UACA: variants seen among roughly 807,000 people sequenced by gnomAD.
UACA encodes the protein uveal autoantigen with coiled-coil domains and ankyrin repeats.
A neutral mutation model predicts 160.5 loss-of-function variants in UACA; 112 were observed. The ratio of observed to expected loss-of-function variants is 0.70; its 90% CI spans 0.60 to 0.82. UACA has a LOEUF of 0.82. Ranked by LOEUF, UACA falls within the 40% of genes least tolerant of loss-of-function variation. The probability of loss-of-function intolerance (pLI) is 0.00; values close to 1 mark genes in which losing one functional copy is unlikely to be tolerated. For synonymous variants in UACA, 557 were observed against 568.4 expected (o/e 0.98, Z 0.29); for missense variants, 1,574 against 1,614.6 (o/e 0.97, Z 0.43).
rs759030929 is a variant in UACA, at chr15:70,667,701, C to T, written c.2983G>A (p.Glu995Lys). The T allele has an allele frequency of 7.4e-6, 12 of 1,613,794 alleles. 1 individual carries two copies. In the South Asian group the frequency reaches 9.9e-5, roughly 13 times the overall value. ...TTCTCTGTTGCTTTAAATTTTCTCT[C>T]GCACTCCTCAAAGCTGACAATTGGG... is the stretch of plus-strand genomic sequence containing the variant. ...YAPIVSFEEC[E>K]RKFKATEKEL... The change falls in exon 16 of 19, where the codon GAG becomes AAG. Residue 995 changes from glutamate (E) to lysine (K), a missense_variant. Physicochemically the swap from Glu to Lys is moderately conservative, Grantham distance 56 (BLOSUM62 1). Transcript: ENST00000322954.
intron 4 of UACA, 70 bp downstream of exon 4, chr15:70,691,229 A>C: frequency 8.8e-7 from 1 of 1,132,282 alleles, no homozygotes. Context: ...AAATTCCAAA[A>C]ACACATTAAA....
intron 1 of UACA, among the ~76,000 whole-genome samples, chr15:70,723,551 C>T (rs1450504477): frequency 6.6e-6 from 1 of 152,194 alleles, no homozygotes; most frequent in Non-Finnish European, 1.5e-5. Flanking sequence ...ACCAAGTTCC[C>T]TCACAGAGTA....
chr15:70,754,717 A>T (rs868868940), intron 1 of UACA, among the ~76,000 whole-genome samples: 2 of 143,706 alleles, frequency 1.4e-5, no homozygotes, highest in Non-Finnish European at 3.0e-5. Flanking sequence ...AATATTTAGG[A>T]TTTCTGACAA....
the UACA span, among the ~76,000 whole-genome samples, chr15:70,776,552 C>T: frequency 1.6e-4 from 25 of 151,808 alleles, no homozygotes; most frequent in Admixed American, 3.9e-4. Context: ...CTCAGCCTCC[C>T]GAGTAGTTGG....
chr15:70,726,043 G>C (rs1899134735), intron 1 of UACA, among the ~76,000 whole-genome samples: 4 of 152,038 alleles, frequency 2.6e-5, no homozygotes. Context: ...TTAAACATCT[G>C]AATCTTATTC....
At chr15:70,676,345 C>A in intron 13 of UACA, 148 bp downstream of exon 13, 3 of 566,540 alleles carry the variant, frequency 5.3e-6, no homozygotes, top group Middle Eastern at 4.8e-4. Flanking sequence ...CCCAGTTTTG[C>A]CAAAGAGGCA....
At chr15:70,664,936 G>A in intron 16 of UACA, 122 bp from the exon 17 acceptor site, 5 of 823,460 alleles carry the variant, frequency 6.1e-6, no homozygotes, top group Non-Finnish European at 9.0e-6. Flanking sequence ...GAAAATTGAG[G>A]TATGAATATT....
At position 70,663,829 on chromosome 15, in the gene UACA, T is replaced by G. The variant is rs1016466024; in HGVS notation, c.4113+833A>C. 4.9e-5 allele frequency among the ~76,000 whole-genome samples: 6 copies of G among 122,460 alleles called. 1 individual carries two copies. Among genetic ancestry groups the G allele is most frequent in the African/African-American group, 1.3e-4 (4 of 31,484 alleles). The allele number at this position is 122,460 out of a possible 152,430, so 80.3% of individuals were successfully genotyped here. On this transcript the variant is annotated intron_variant, in intron 17 of 18. Coordinates refer to ENST00000322954, the MANE Select transcript of UACA (RefSeq NM_018003.4). ...GTGGGAACTGAACAGTGAGAACACA[T>G]GGACACAGGAAGGGGAACATCACAC... is the stretch of plus-strand genomic sequence containing the variant.
chr15:70,666,653 T>G (rs1896916914), intron 16 of UACA, 71 bp downstream of exon 16: 425 of 1,252,784 alleles, frequency 3.4e-4, no homozygotes, highest in Non-Finnish European at 4.2e-4. Flanking sequence ...TACTTTCCTG[T>G]GAGATTCTGT....
At chr15:70,659,395 G>GTTTGTTTTTTTTTTTTTTTTTTTTTTTT (rs1896607026) in intron 18 of UACA, among the ~76,000 whole-genome samples, 1 of 18,818 alleles carries the variant, frequency 5.3e-5, no homozygotes, top group Non-Finnish European at 9.6e-5. Flanking sequence ...TTTTTTGTTT[G>GTTTGTTTTTTTTTTTTTTTTTTTTTTTT]TTTTTTTTTT....
At chr15:70,720,231 G>C (rs1898949410) in intron 1 of UACA, among the ~76,000 whole-genome samples, 1 of 152,130 alleles carries the variant, frequency 6.6e-6, no homozygotes, top group African/African-American at 2.4e-5. Context: ...TATGTTTCCT[G>C]TCCAGCCTGC....
In UACA at chr15:70,677,119, G is replaced by T. The variant is rs768303511; in HGVS notation, c.1021C>A (p.Leu341Met). The T allele has an allele frequency of 1.2e-6, 2 of 1,603,430 alleles. No individual in the cohort carries two copies. Among genetic ancestry groups the T allele is most frequent in the Admixed American group, 3.4e-5 (2 of 58,642 alleles). The change falls in exon 12 of 19, where the codon CTG (leucine) becomes ATG (methionine). Residue 341 changes from leucine to methionine, a missense_variant. Transcript: ENST00000322954. The part of the protein sequence containing the change: ...LNEEVMVADD[L>M]ESEREKLKSL... ...AAATGTCACCCTACCTCGCTTTCCA[G>T]ATCATCAGCAACCATAACTTCCTAA...
chr15:70,668,048 G>A lies in UACA; in HGVS notation c.2636C>T (p.Thr879Ile). 6.2e-7 allele frequency: 1 copy of A among 1,612,252 alleles called. No individual in the cohort carries two copies. The highest frequency in any genetic ancestry group is 8.5e-7 in the Non-Finnish European group (1 of 1,179,710). ...KMTLNDTLAKTNRELLDVKKK... is the reference protein window; with the variant it reads ...KMTLNDTLAKINRELLDVKKK... ...CTTCACATCTAATAATTCTCTGTTA[G>A]TTTTGGCTAACGTGTCATTCAGTGT... is the stretch of plus-strand genomic sequence containing the variant. Residue 879 changes from threonine to isoleucine, a missense_variant, in exon 16 of 19, where the codon ACT becomes ATT. Coordinates refer to ENST00000322954, the MANE Select transcript of UACA (RefSeq NM_018003.4).
Position 70,667,384 on chromosome 15 carries a change from T to C in UACA, c.3300A>G (p.Ile1100Met). ...VEENAKQTSE[I>M]LAVQNLLQKQ... ...TTTGCAAAAGATTTTGCACTGCAAG[T>C]ATCTCAGAAGTCTGTTTGGCATTTT... The change falls in exon 16 of 19, where the codon ATA (isoleucine) becomes ATG (methionine). Residue 1100 changes from isoleucine to methionine, a missense_variant. Physicochemically the swap from Ile to Met is conservative, Grantham distance 10. Transcript: ENST00000322954. The C allele has an allele frequency of 6.2e-7, 1 of 1,612,684 alleles. No individual in the cohort carries two copies. The highest frequency in any genetic ancestry group is 8.5e-7 in the Non-Finnish European group (1 of 1,179,938).
chr15:70,772,665 T>C, the UACA span, among the ~76,000 whole-genome samples: 1 of 152,174 alleles, frequency 6.6e-6, no homozygotes, highest in Admixed American at 6.5e-5. Flanking sequence ...GAGGCCTAGA[T>C]AGCAAGAGTG....
chr15:70,683,359 T>TA (rs779990232), intron 8 of UACA, among the ~76,000 whole-genome samples: 122 of 150,104 alleles, frequency 8.1e-4, no homozygotes, highest in Middle Eastern at 3.4e-3. Flanking sequence ...ACCCCATATC[T>TA]AAAAAAAAAG....
Position 70,664,662 on chromosome 15 carries a change from G to C in UACA, c.4113C>G (p.Ala1371=), listed in dbSNP as rs151171457. Reference sequence around the variant, plus strand: ...AAGCCCCGTGTGCCTGGTTACTCACGGCCAGCTGTTGCTCCAGAGATTTCA... The same window carrying C: ...AAGCCCCGTGTGCCTGGTTACTCACCGCCAGCTGTTGCTCCAGAGATTTCA... ...HQVKSLEQQL[A]DADRQHQEVI... Residue 1371 remains alanine, a splice_region_variant and synonymous_variant, in exon 17 of 19, where the codon GCC becomes GCG. Transcript: ENST00000322954. 1.4e-5 allele frequency: 23 copies of C among 1,606,774 alleles called. No homozygotes were observed. The highest frequency in any genetic ancestry group is 1.9e-5 in the Non-Finnish European group (22 of 1,176,792).
intron 1 of UACA, among the ~76,000 whole-genome samples, chr15:70,725,570 A>G (rs913056991): frequency 6.6e-6 from 1 of 152,256 alleles, no homozygotes; most frequent in African/African-American, 2.4e-5. Flanking sequence ...AAATCTTTCA[A>G]CTTTCACAGT....
upstream of UACA, among the ~76,000 whole-genome samples, chr15:70,764,765 T>C (rs1230177745): frequency 6.6e-6 from 1 of 152,246 alleles, no homozygotes; most frequent in East Asian, 1.9e-4. Context: ...ATTAGATCTT[T>C]GGAAGAAAAT....
Sources: allele counts gnomAD v4.1 joint callset (sites outside exome capture counted in the v4.1 genomes callset), GRCh38; gene constraint gnomAD v4.1.1; transcripts MANE v1.5; gene names NCBI Gene and HGNC (gene_info 2026-07-23, HGNC 2026-07-21).